SYT12: variants seen among roughly 807,000 people sequenced by gnomAD.
SYT12 encodes the protein synaptotagmin 12.
A neutral mutation model predicts 39.5 loss-of-function variants in SYT12; 27 were observed. The observed-to-expected ratio is 0.68, with a 90% CI of 0.50 to 0.94. SYT12 has a LOEUF of 0.94. Ranked by LOEUF, SYT12 falls within the 40% of genes least tolerant of loss-of-function variation. The pLI is 0.00. For synonymous variants in SYT12, 233 were observed against 239.7 expected (o/e 0.97, Z 0.26); for missense variants, 536 against 572.6 (o/e 0.94, Z 0.65).
intron 2 of SYT12, 63 bp from the exon 3 acceptor site, chr11:67,034,582 C>A: frequency 6.8e-7 from 1 of 1,475,604 alleles, no homozygotes; most frequent in Non-Finnish European, 9.1e-7. Flanking sequence ...GTCGGTGCTG[C>A]TCCCCGGGTG....
intron 6 of SYT12, 157 bp from the exon 7 acceptor site, chr11:67,045,587 G>A: frequency 9.1e-7 from 1 of 1,098,820 alleles, no homozygotes; most frequent in Non-Finnish European, 1.3e-6. Flanking sequence ...TCTCATCTGT[G>A]AAATGGGAAA....
chr11:67,021,256 C>A (rs1345850550), upstream of SYT12, among the ~76,000 whole-genome samples: 1 of 152,078 alleles, frequency 6.6e-6, no homozygotes, highest in Non-Finnish European at 1.5e-5. Context: ...TCTCTCATTT[C>A]AAGCTCACTC....
upstream of SYT12, among the ~76,000 whole-genome samples, chr11:67,020,147 C>G (rs1296389310): frequency 6.6e-6 from 1 of 152,118 alleles, no homozygotes; most frequent in Admixed American, 6.6e-5. Context: ...TGAGTAGGGG[C>G]TTTGCTCGGA....
intron 4 of SYT12, among the ~76,000 whole-genome samples, chr11:67,043,411 A>T (rs1950551891): frequency 6.6e-6 from 1 of 152,160 alleles, no homozygotes; most frequent in Non-Finnish European, 1.5e-5. Flanking sequence ...TTGGGATCAG[A>T]TTGTGGGAGC....
chr11:67,015,138 TGCATCCAGAGCCGCG>T (rs1950046920), intron 3 of SYT12, among the ~76,000 whole-genome samples: 1 of 152,100 alleles, frequency 6.6e-6, no homozygotes, highest in African/African-American at 2.4e-5. Context: ...ATCCCTGCCT[TGCATCCAGAGCCGCG>T]GCTCCTTCTT....
intron 3 of SYT12, among the ~76,000 whole-genome samples, chr11:67,035,520 C>T (rs1221710503): frequency 7.2e-6 from 1 of 138,970 alleles, no homozygotes; most frequent in African/African-American, 2.8e-5. Context: ...TGCAGTGGGG[C>T]AATCTCGGCT....
Position 67,029,944 on chromosome 11 carries a change from G to T in SYT12, c.-23-178G>T, listed in dbSNP as rs1413703643. On this transcript the variant is annotated intron_variant, in intron 1 of 7. Transcript: ENST00000527043. Reference sequence around the variant, plus strand: ...GCAATCCTGAGAAGAGTCTTAGAATGCTTGAAAAGAGCTTTAAACATCATT... The same window carrying T: ...GCAATCCTGAGAAGAGTCTTAGAATTCTTGAAAAGAGCTTTAAACATCATT... The T allele has an allele frequency of 5.2e-6, 3 of 578,212 alleles. No homozygotes were observed. The East Asian group carries it at 8.7e-5, about 17-fold the overall frequency. The allele number at this position is 578,212 out of a possible 1,614,324, so 35.8% of individuals were successfully genotyped here. A position where few individuals can be genotyped will look rare whatever the true frequency, so the allele number is the denominator to read the frequency against.
At chr11:67,036,786 A>G (rs1211579404) in intron 3 of SYT12, among the ~76,000 whole-genome samples, 1 of 152,002 alleles carries the variant, frequency 6.6e-6, no homozygotes, top group African/African-American at 2.4e-5. Context: ...AAAAAATACA[A>G]AAATTGACCG....
intron 3 of SYT12, among the ~76,000 whole-genome samples, chr11:67,013,863 G>T (rs1950032994): frequency 6.6e-6 from 1 of 152,194 alleles, no homozygotes. Context: ...GGAGGCCAGA[G>T]CCCAGAATCA....
At chr11:67,045,619 G>C (rs1854516662) in intron 6 of SYT12, 125 bp from the exon 7 acceptor site, 1 of 1,299,480 alleles carries the variant, frequency 7.7e-7, no homozygotes, top group South Asian at 1.5e-5. Flanking sequence ...ACCAATGGCA[G>C]GGCTGCAGGA....
chr11:67,040,852 A>G (rs1460283791), intron 4 of SYT12, among the ~76,000 whole-genome samples: 1 of 146,802 alleles, frequency 6.8e-6, no homozygotes, highest in Admixed American at 6.8e-5. Flanking sequence ...TAAATAAATA[A>G]ATAAAAATAA....
intron 4 of SYT12, 142 bp downstream of exon 4, chr11:67,040,345 A>T: frequency 1.6e-6 from 2 of 1,213,016 alleles, no homozygotes; most frequent in Non-Finnish European, 2.3e-6. Flanking sequence ...CTGAAGCTTC[A>T]GACTGTAGAG....
At chr11:67,030,312 A>G (rs1029971619) in intron 2 of SYT12, 134 bp downstream of exon 2, 30 of 1,083,982 alleles carry the variant, frequency 2.8e-5, no homozygotes, top group Admixed American at 1.1e-4. Flanking sequence ...ACAGTCAGTG[A>G]CTTGCCCAAG....
Position 67,029,780 on chromosome 11 carries a change from G to A in SYT12, c.-23-342G>A, listed in dbSNP as rs1950232509. On this transcript the variant is annotated intron_variant, in intron 1 of 7. Transcript: ENST00000527043. ...GAGGCAGGAGATCACTTGAACCCAG[G>A]GGCAGAGGCTGCAGTGAGCCGAGAT... is the stretch of plus-strand genomic sequence containing the variant. 2.7e-5 allele frequency: 5 copies of A among 183,236 alleles called. No homozygotes were observed. The South Asian group carries it at 5.9e-4, about 22-fold the overall frequency. 11.4% of individuals were successfully genotyped at this position (183,236 alleles called of 1,614,324 possible).
chr11:67,040,273 G>C (rs570734955), intron 4 of SYT12, 70 bp downstream of exon 4: 65 of 1,518,426 alleles, frequency 4.3e-5, no homozygotes, highest in Non-Finnish European at 5.6e-5. Flanking sequence ...CAGGCATGGC[G>C]GTGGGGCCCG....
In SYT12 at chr11:67,030,144, C is replaced by T; in HGVS notation, c.-1C>T. ...CAGTCACAGTCACTGCAGCAGACAT[C>T]ATGGCTGTGGATGTGGCAGAATACC... is the stretch of plus-strand genomic sequence containing the variant. On this transcript the variant is annotated 5_prime_UTR_variant, in exon 2 of 8. Coordinates refer to ENST00000527043, the MANE Select transcript of SYT12 (RefSeq NM_177963.4). The T allele has an allele frequency of 1.2e-6, 2 of 1,614,100 alleles. No homozygotes were observed. The highest frequency in any genetic ancestry group is 1.7e-6 in the Non-Finnish European group (2 of 1,180,024).
intron 3 of SYT12, among the ~76,000 whole-genome samples, chr11:67,014,515 G>A (rs374843419): frequency 2.1e-4 from 32 of 152,330 alleles, no homozygotes; most frequent in African/African-American, 5.3e-4. Context: ...TTGGAGAAGC[G>A]GCTCCTGCCG....
At chr11:67,045,096 C>G (rs1051154140) in intron 6 of SYT12, among the ~76,000 whole-genome samples, 2 of 152,132 alleles carry the variant, frequency 1.3e-5, no homozygotes, top group South Asian at 4.2e-4. Flanking sequence ...AGGGCAGTAT[C>G]CCAGACTCCA....
intron 1 of SYT12, among the ~76,000 whole-genome samples, chr11:67,008,826 G>A (rs912101937): frequency 6.6e-6 from 1 of 152,208 alleles, no homozygotes; most frequent in Admixed American, 6.5e-5. Flanking sequence ...ACAGGCGTGA[G>A]CCACTGCACC....
Sources: allele counts gnomAD v4.1 joint callset (sites outside exome capture counted in the v4.1 genomes callset), GRCh38; gene constraint gnomAD v4.1.1; transcripts MANE v1.5; gene names NCBI Gene and HGNC (gene_info 2026-07-23, HGNC 2026-07-21).